The following MICU2 variants were observed in gnomAD, a reference collection of about 807,000 sequenced individuals.
MICU2 encodes mitochondrial calcium uptake 2, also known as calcium uptake protein 2, mitochondrial.
Under a neutral mutation model 60.4 loss-of-function variants are expected in MICU2, and 64 were observed. The ratio of observed to expected loss-of-function variants is 1.06; its 90% confidence interval spans 0.87 to 1.31. The LOEUF is 1.31. Ranked by LOEUF, MICU2 falls within the 50% of genes most tolerant of loss-of-function variation. The pLI, the probability that MICU2 is intolerant of heterozygous loss-of-function variation, is 0.00. For synonymous variants in MICU2, 201 were observed against 175.0 expected (o/e 1.15, Z -1.17); for missense variants, 569 against 531.0 (o/e 1.07, Z -0.70).
At chr13:21,575,728 TCAAAAAAAAAAAAAAAAAA>T (rs1410222880) in intron 1 of MICU2, among the ~76,000 whole-genome samples, 5 of 24,410 alleles carry the variant, frequency 2.0e-4, no homozygotes, top group African/African-American at 1.1e-3. Flanking sequence ...AGACTCTGTC[TCAAAAAAAAAAAAAAAAAA>T]AAAAAAAAAG....
At chr13:21,586,034 C>T (rs1286105099) in intron 1 of MICU2, among the ~76,000 whole-genome samples, 1 of 152,016 alleles carries the variant, frequency 6.6e-6, no homozygotes, top group Non-Finnish European at 1.5e-5. Context: ...CATTAAAAAA[C>T]CCCAATTAGC....
intron 4 of MICU2, among the ~76,000 whole-genome samples, chr13:21,527,135 T>C (rs970386123): frequency 1.3e-5 from 2 of 152,236 alleles, no homozygotes; most frequent in African/African-American, 2.4e-5. Flanking sequence ...GTTTTCAGAT[T>C]TTCTTTTGCT....
intron 7 of MICU2, among the ~76,000 whole-genome samples, chr13:21,512,775 T>C (rs1446772511): frequency 6.6e-6 from 1 of 152,210 alleles, no homozygotes; most frequent in African/African-American, 2.4e-5. Context: ...GCTTGTGATT[T>C]TAGTATCATT....
At chr13:21,589,603 C>T (rs1296552654) in intron 1 of MICU2, among the ~76,000 whole-genome samples, 2 of 152,202 alleles carry the variant, frequency 1.3e-5, no homozygotes, top group Non-Finnish European at 2.9e-5. Flanking sequence ...TTAACTTCCT[C>T]ATAAAGCAAC....
At chr13:21,503,468 G>A (rs534422671) in intron 8 of MICU2, among the ~76,000 whole-genome samples, 1 of 152,236 alleles carries the variant, frequency 6.6e-6, no homozygotes, top group East Asian at 1.9e-4. Context: ...TCAATAATCA[G>A]ATAAATTTAA....
Position 21,531,255 on chromosome 13 carries a change from A to G in MICU2, c.466+8047T>C, listed in dbSNP as rs548441317. The G allele has an allele frequency of 1.6e-4, 221 of 1,345,498 alleles. 1 individual carries two copies. The Middle Eastern group carries it at 2.2e-3, about 14-fold the overall frequency. 83.3% of individuals were successfully genotyped at this position (1,345,498 alleles called of 1,614,324 possible). A position where few individuals can be genotyped will look rare whatever the true frequency, so the allele number is the denominator to read the frequency against. ...GGACACTATAAGAAAGGAATATTGG[A>G]GATAGATTGGAAGATCCCTTCAAAG... On this transcript the variant is annotated intron_variant, in intron 4 of 11. Transcript: ENST00000382374.
At chr13:21,580,382 T>C (rs1468504747) in intron 1 of MICU2, among the ~76,000 whole-genome samples, 2 of 152,224 alleles carry the variant, frequency 1.3e-5, no homozygotes, top group Admixed American at 1.3e-4. Context: ...AGGGTAGGCA[T>C]GGACAGAGCT....
intron 2 of MICU2, among the ~76,000 whole-genome samples, chr13:21,565,431 G>T (rs1393072942): frequency 6.6e-6 from 1 of 152,176 alleles, no homozygotes; most frequent in Admixed American, 6.5e-5. Context: ...GCCGGGGAGG[G>T]TGGATCACGA....
At chr13:21,495,105 G>A (rs555454626) in intron 11 of MICU2, 56 bp downstream of exon 11, 1 of 1,415,014 alleles carries the variant, frequency 7.1e-7, no homozygotes, top group South Asian at 1.7e-5. Context: ...CAAATTCTAG[G>A]TTTAATATCA....
At chr13:21,593,040 T>C (rs1386749097) in intron 1 of MICU2, among the ~76,000 whole-genome samples, 1 of 152,066 alleles carries the variant, frequency 6.6e-6, no homozygotes, top group Non-Finnish European at 1.5e-5. Context: ...GAGAAAGAAA[T>C]AAAGGGTATT....
At chr13:21,599,715 T>C (rs1888773573) in intron 1 of MICU2, among the ~76,000 whole-genome samples, 1 of 152,220 alleles carries the variant, frequency 6.6e-6, no homozygotes, top group Admixed American at 6.5e-5. Context: ...GCTCCCTAAA[T>C]CTAGTTTTCA....
chr13:21,591,077 GAC>G, intron 1 of MICU2, among the ~76,000 whole-genome samples: 1 of 151,990 alleles, frequency 6.6e-6, no homozygotes, highest in East Asian at 1.9e-4. Flanking sequence ...CCAATAAAAA[GAC>G]ACAGACTGGC....
At chr13:21,582,874 CA>C (rs11297485) in intron 1 of MICU2, 3,454 of 174,220 alleles carry the variant, frequency 0.02, 136 homozygotes, top group African/African-American at 0.079. Flanking sequence ...GTGCGCTCAC[CA>C]TTGTTCCATC....
intron 1 of MICU2, among the ~76,000 whole-genome samples, chr13:21,596,739 C>T (rs1891709): frequency 0.033 from 4,977 of 152,108 alleles, 277 homozygotes; most frequent in African/African-American, 0.11. Flanking sequence ...TTCAGGTTCT[C>T]ATAGGGCTTA....
chr13:21,571,955 T>C (rs1593350870), intron 1 of MICU2, among the ~76,000 whole-genome samples: 1 of 152,232 alleles, frequency 6.6e-6, no homozygotes, highest in East Asian at 1.9e-4. Flanking sequence ...TGTTAATCTA[T>C]AAAATAGCCA....
At chr13:21,539,044 T>TG (rs11403747) in intron 4 of MICU2, among the ~76,000 whole-genome samples, 53,982 of 151,938 alleles carry the variant, frequency 0.36, 9,986 homozygotes, top group Non-Finnish European at 0.41. Flanking sequence ...CCCTAAGTGG[T>TG]GTGGCTCCTC....
rs1225273105 is a variant in MICU2, at chr13:21,493,065, T to G, written c.*184A>C. The stretch of plus-strand genomic sequence containing the variant: ...TTCTGACAGAATCCAATATCTATTT[T>G]TATACTTACTTTTCTTTCTACTAAG... On this transcript the variant is annotated 3_prime_UTR_variant, in exon 12 of 12. Transcript: ENST00000382374. 4 of 431,100 alleles carry G rather than the reference T, an allele frequency of 9.3e-6. No homozygotes were observed. Among genetic ancestry groups the G allele is most frequent in the Non-Finnish European group, 1.6e-5 (4 of 244,666 alleles). 26.7% of individuals were successfully genotyped at this position (431,100 alleles called of 1,614,324 possible).
At chr13:21,501,207 G>A (rs1886141922) in intron 9 of MICU2, among the ~76,000 whole-genome samples, 3 of 151,448 alleles carry the variant, frequency 2.0e-5, no homozygotes, top group African/African-American at 4.8e-5. Flanking sequence ...GTAACAAACT[G>A]TTTTAGTTAC....
At chr13:21,538,414 T>G (rs1887188325) in intron 4 of MICU2, among the ~76,000 whole-genome samples, 1 of 151,034 alleles carries the variant, frequency 6.6e-6, no homozygotes, top group Admixed American at 6.6e-5. Context: ...ATACTAAAAT[T>G]AAAAAAAATT....
Sources: gnomAD v4.1 joint callset for allele counts (sites outside exome capture counted in the v4.1 genomes callset) on GRCh38, gnomAD v4.1.1 for gene constraint, MANE v1.5 for transcripts, NCBI Gene and HGNC (gene_info 2026-07-23, HGNC 2026-07-21) for gene names.